Variants in NBEAL1 observed in about 807,000 individuals in gnomAD.
NBEAL1 encodes neurobeachin like 1.
In NBEAL1, 273 loss-of-function variants were observed where a neutral mutation model predicts 351.3. The observed-to-expected ratio is 0.78, with a 90% CI of 0.70 to 0.86. NBEAL1 has a LOEUF of 0.86. NBEAL1 is among the 40% of genes least tolerant of loss of function. NBEAL1 has a pLI of 0.00. For synonymous variants in NBEAL1, 1,050 were observed against 1,086.4 expected, an observed-to-expected ratio of 0.97 and a Z score of 0.66; for missense variants, 2,961 against 3,201.3, an observed-to-expected ratio of 0.92 and a Z score of 1.81.
rs1482133050 is a variant in NBEAL1 at position 203,218,352 on chromosome 2, A to G, written c.*998A>G. Reference sequence around the variant, plus strand: ...GTGTTAAATGTTGTGGTTGATTATTAAGATCTTAAAGTAAAAGTCTGATTT... The same window carrying G: ...GTGTTAAATGTTGTGGTTGATTATTGAGATCTTAAAGTAAAAGTCTGATTT... On this transcript the variant is annotated 3_prime_UTR_variant, in exon 56 of 56. Coordinates refer to ENST00000683969, the MANE Select transcript of NBEAL1 (RefSeq NM_001378026.1). The G allele has an allele frequency of 6.6e-6, 1 of 152,126 alleles. No homozygotes were observed. The highest frequency in any genetic ancestry group is 6.5e-5 in the Admixed American group (1 of 15,270). The allele number at this position is 152,126 out of a possible 1,614,324, so 9.4% of individuals were successfully genotyped here. A position where few individuals can be genotyped will look rare whatever the true frequency, so the allele number is the denominator to read the frequency against.
intron 18 of NBEAL1, among the ~76,000 whole-genome samples, chr2:203,117,188 G>A (rs961856524): frequency 6.6e-6 from 1 of 152,112 alleles, no homozygotes; most frequent in African/African-American, 2.4e-5. Flanking sequence ...AATCTCGGCC[G>A]GGCACAGTGG....
In NBEAL1 at chr2:203,058,004, C is replaced by T. The variant is rs150838036; in HGVS notation, c.515+551C>T. On this transcript the variant is annotated intron_variant, in intron 6 of 55. Transcript: ENST00000683969. ...GATTACAGGAGTGCACCACTGCGCC[C>T]GGCTAATTTTTATATTTTTAGTAGA... Among the ~76,000 whole-genome samples the T allele has an allele frequency of 5.7e-3, 862 of 151,638 alleles. 11 individuals are homozygous for T. The highest frequency in any genetic ancestry group is 0.019 in the African/African-American group (805 of 41,376).
intron 5 of NBEAL1, 101 bp from the exon 6 acceptor site, chr2:203,057,225 C>G: frequency 1.0e-6 from 1 of 997,022 alleles, no homozygotes; most frequent in Admixed American, 2.4e-5. Context: ...TTAAATGACT[C>G]TTAGTCTCAA....
At chr2:203,040,527 G>T in intron 2 of NBEAL1, 1 of 671,212 alleles carries the variant, frequency 1.5e-6, no homozygotes, top group South Asian at 1.4e-5. Context: ...ATGTGACCTG[G>T]GGATTTCCAA....
intron 35 of NBEAL1, among the ~76,000 whole-genome samples, chr2:203,156,462 T>C (rs1225851635): frequency 1.3e-5 from 2 of 152,218 alleles, no homozygotes; most frequent in African/African-American, 4.8e-5. Flanking sequence ...GTCAATTTCC[T>C]ATTTGTATCA....
chr2:203,073,619 T>C (rs951550716), intron 7 of NBEAL1, among the ~76,000 whole-genome samples: 15 of 152,172 alleles, frequency 9.9e-5, no homozygotes, highest in African/African-American at 3.6e-4. Flanking sequence ...GCCACTGCAT[T>C]CCAGCCTGGG....
chr2:203,016,428 G>T lies in NBEAL1; in HGVS notation c.44G>T (p.Cys15Phe), dbSNP rs2060681068. 1.4e-6 allele frequency: 2 copies of T among 1,464,940 alleles called. No homozygotes were observed. Among genetic ancestry groups the T allele is most frequent in the South Asian group, 2.8e-5 (2 of 71,108 alleles). 90.7% of individuals were successfully genotyped at this position (1,464,940 alleles called of 1,614,324 possible). ...ERLFELWMLYCTKKDPDYLKL... is the reference protein window; with the variant it reads ...ERLFELWMLYFTKKDPDYLKL... ...CTCTTTGAACTTTGGATGCTTTATTGTACAAAGGTAATTGCTTTCCTTTTT... is the reference window on the plus strand; with the variant it reads ...CTCTTTGAACTTTGGATGCTTTATTTTACAAAGGTAATTGCTTTCCTTTTT... Residue 15 changes from cysteine to phenylalanine, a missense_variant, in exon 2 of 56, where the codon TGT becomes TTT. Physicochemically the swap from Cys to Phe is radical, Grantham distance 205. Coordinates refer to ENST00000683969, the MANE Select transcript of NBEAL1 (RefSeq NM_001378026.1).
chr2:203,134,498 A>G (rs763571150), intron 27 of NBEAL1, among the ~76,000 whole-genome samples: 1 of 152,166 alleles, frequency 6.6e-6, no homozygotes, highest in Non-Finnish European at 1.5e-5. Flanking sequence ...TAGTACTAGT[A>G]ATATTGAAGT....
intron 7 of NBEAL1, among the ~76,000 whole-genome samples, chr2:203,076,481 ACAAAC>A (rs745572316): frequency 7.1e-6 from 1 of 141,006 alleles, no homozygotes; most frequent in African/African-American, 2.6e-5. Flanking sequence ...TGTCTCAAAA[ACAAAC>A]AAACAAACAA....
chr2:203,062,362 G>T lies in NBEAL1; in HGVS notation c.515+4909G>T, dbSNP rs759291104. Reference sequence around the variant, plus strand: ...AATCCAGCAACGCCCACTCCTGAGGGGTGAAGGTTACAGCCACATCCTCAA... The same window carrying T: ...AATCCAGCAACGCCCACTCCTGAGGTGTGAAGGTTACAGCCACATCCTCAA... On this transcript the variant is annotated intron_variant, in intron 6 of 55. Transcript: ENST00000683969. The surrounding 1 kb of genome is among the most constrained non-coding windows in gnomAD (Gnocchi z 4.2). 4.2e-6 allele frequency: 2 copies of T among 481,486 alleles called. No homozygotes were observed. Among genetic ancestry groups the T allele is most frequent in the Admixed American group, 4.5e-5 (2 of 43,998 alleles). The allele number at this position is 481,486 out of a possible 1,614,324, so 29.8% of individuals were successfully genotyped here.
In NBEAL1 at chr2:203,083,586, T is replaced by G. The variant is rs2061909760; in HGVS notation, c.991+61T>G. The stretch of plus-strand genomic sequence containing the variant: ...GTTTTTTATTTTCATATCTACCACT[T>G]TCTTTTGAAATACAAGGCCATTGTA... On this transcript the variant is annotated intron_variant, in intron 9 of 55. Coordinates refer to ENST00000683969, the MANE Select transcript of NBEAL1 (RefSeq NM_001378026.1). 3.8e-6 allele frequency: 5 copies of G among 1,310,196 alleles called. No individual in the cohort carries two copies. The African/African-American group carries it at 7.5e-5, about 20-fold the overall frequency. 81.2% of individuals were successfully genotyped at this position (1,310,196 alleles called of 1,614,324 possible).
intron 18 of NBEAL1, among the ~76,000 whole-genome samples, chr2:203,117,243 T>C (rs937669710): frequency 6.6e-6 from 1 of 152,022 alleles, no homozygotes; most frequent in Non-Finnish European, 1.5e-5. Context: ...GGCGGGCGGA[T>C]CACGAGGTTA....
In NBEAL1 at chr2:203,099,481, T is replaced by C. The variant is rs2062261036; in HGVS notation, c.1186-148T>C. The C allele has an allele frequency of 7.3e-6, 4 of 548,786 alleles. No homozygotes were observed. In the South Asian group the frequency reaches 8.0e-5, roughly 11 times the overall value. 34.0% of individuals were successfully genotyped at this position (548,786 alleles called of 1,614,324 possible). ...AATAGGTAACTTTCCTTGCAGGTTA[T>C]AGTGTTTCAGAAATCCATTTCATCA... On this transcript the variant is annotated intron_variant, in intron 11 of 55. Transcript: ENST00000683969.
chr2:203,193,862 C>G lies in NBEAL1; in HGVS notation c.6989C>G (p.Thr2330Ser), dbSNP rs1047973128. 1.1e-5 allele frequency: 17 copies of G among 1,611,772 alleles called. No individual in the cohort carries two copies. The highest frequency in any genetic ancestry group is 1.3e-5 in the Non-Finnish European group (15 of 1,178,832). Residue 2330 changes from threonine (T) to serine (S), a missense_variant, in exon 47 of 56, where the codon ACC becomes AGC. Physicochemically the swap from Thr to Ser is moderately conservative, Grantham distance 58. Transcript: ENST00000683969. ...AAGCCAACCAAAATAGACACTTCAA[C>G]CCTAAACCTGTTTCAACACCTTCCT... is the stretch of plus-strand genomic sequence containing the variant. ...VQKPTKIDTSTLNLFQHLPEL... is the reference protein window; with the variant it reads ...VQKPTKIDTSSLNLFQHLPEL...
Position 203,135,798 on chromosome 2 carries a change from A to C in NBEAL1, c.3935A>C (p.His1312Pro). 5 of 1,613,212 alleles carry C rather than the reference A, an allele frequency of 3.1e-6. No individual in the cohort carries two copies. The highest frequency in any genetic ancestry group is 4.2e-6 in the Non-Finnish European group (5 of 1,179,552). The change falls in exon 28 of 56, where the codon CAT becomes CCT. Residue 1312 changes from histidine to proline, a missense_variant. Physicochemically the swap from His to Pro is moderately conservative, Grantham distance 77 (BLOSUM62 -2). Coordinates refer to ENST00000683969, the MANE Select transcript of NBEAL1 (RefSeq NM_001378026.1). ...AAATTTGAAAACGGAAATACTCTTC[A>C]TAAGCACAGTAGAGCTGTTTTAATG... ...KAKFENGNTL[H>P]KHSRAVLMKD...
chr2:203,058,606 A>G (rs1422953121), intron 6 of NBEAL1, among the ~76,000 whole-genome samples: 3 of 152,218 alleles, frequency 2.0e-5, no homozygotes, highest in Non-Finnish European at 4.4e-5. Context: ...ATTGCCAAAA[A>G]TAAGCTGAAG....
intron 15 of NBEAL1, among the ~76,000 whole-genome samples, chr2:203,110,674 A>AAAGT (rs1553610986): frequency 2.5e-4 from 33 of 130,880 alleles, no homozygotes; most frequent in African/African-American, 8.9e-4. Context: ...ATCCTGTCTC[A>AAAGT]AAATAAATAA....
chr2:203,209,248 A>T lies in NBEAL1; in HGVS notation c.7711A>T (p.Ile2571Phe). 3 of 1,613,844 alleles carry T rather than the reference A, an allele frequency of 1.9e-6. No individual in the cohort carries two copies. Among genetic ancestry groups the T allele is most frequent in the Non-Finnish European group, 2.5e-6 (3 of 1,179,744 alleles). ...PPCESSLFLT[I>F]PNLAISWEGH... is the part of the protein sequence containing the mutation. The stretch of plus-strand genomic sequence containing the variant: ...TTGTGAGAGTTCTCTGTTCCTGACC[A>T]TTCCTAATTTGGCTATATCTTGGGA... The change falls in exon 53 of 56, where the codon ATT becomes TTT. Residue 2571 changes from isoleucine to phenylalanine, a missense_variant. Ile to Phe is a conservative substitution (Grantham distance 21). Coordinates refer to ENST00000683969, the MANE Select transcript of NBEAL1 (RefSeq NM_001378026.1).
chr2:203,113,774 T>C (rs1389850258), intron 17 of NBEAL1, among the ~76,000 whole-genome samples: 5 of 151,942 alleles, frequency 3.3e-5, no homozygotes, highest in East Asian at 3.9e-4. Flanking sequence ...TCACATGGTC[T>C]TTTCTCTGTG....
Sources: allele counts gnomAD v4.1 joint callset (sites outside exome capture counted in the v4.1 genomes callset), GRCh38; gene constraint gnomAD v4.1.1; non-coding constraint Gnocchi (gnomAD v3.1); transcripts MANE v1.5; gene names NCBI Gene and HGNC (gene_info 2026-07-23, HGNC 2026-07-21).